SLC24A3: variants seen among roughly 807,000 people sequenced by gnomAD.
SLC24A3 encodes the protein solute carrier family 24 member 3.
Under a neutral mutation model 75.8 loss-of-function variants are expected in SLC24A3, and 28 were observed. That is an observed-to-expected ratio of 0.37 (90% CI 0.27 to 0.51). SLC24A3 has a LOEUF of 0.51. Among genes scored for constraint, SLC24A3 ranks in the 20% least tolerant of loss-of-function variants. The pLI, the probability that SLC24A3 is intolerant of heterozygous loss-of-function variation, is 0.94. For missense variants in SLC24A3, 663 were observed against 847.8 expected, an observed-to-expected ratio of 0.78 and a Z score of 2.71; for synonymous variants, 372 against 334.1, an observed-to-expected ratio of 1.11 and a Z score of -1.24.
intron 2 of SLC24A3, among the ~76,000 whole-genome samples, chr20:19,446,220 A>G (rs1230976667): frequency 1.3e-5 from 2 of 152,236 alleles, no homozygotes; most frequent in Non-Finnish European, 1.5e-5. Flanking sequence ...GCAATGTATA[A>G]TGAGTTCTGG....
At chr20:19,333,956 G>A (rs553953947) in intron 2 of SLC24A3, among the ~76,000 whole-genome samples, 1 of 151,860 alleles carries the variant, frequency 6.6e-6, no homozygotes, top group South Asian at 2.1e-4. Flanking sequence ...TGTGCATCCT[G>A]TGAGTATACT....
chr20:19,351,261 G>A (rs879733657), intron 2 of SLC24A3, among the ~76,000 whole-genome samples: 2 of 152,170 alleles, frequency 1.3e-5, no homozygotes, highest in South Asian at 2.1e-4. Flanking sequence ...ACACCCAAAC[G>A]TGGGGATCAT....
At chr20:19,464,157 C>T (rs1318623308) in intron 2 of SLC24A3, among the ~76,000 whole-genome samples, 2 of 152,352 alleles carry the variant, frequency 1.3e-5, no homozygotes, top group Middle Eastern at 3.4e-3. Context: ...CCAGCCTTCT[C>T]GCCAACACTG....
intron 1 of SLC24A3, among the ~76,000 whole-genome samples, chr20:19,231,240 G>A (rs1188162458): frequency 6.6e-6 from 1 of 152,192 alleles, no homozygotes; most frequent in Non-Finnish European, 1.5e-5. Context: ...CAGGAAGTTA[G>A]ACAAGGAGCT....
chr20:19,666,958 G>A (rs2032406369), intron 8 of SLC24A3, among the ~76,000 whole-genome samples: 1 of 152,234 alleles, frequency 6.6e-6, no homozygotes, highest in Non-Finnish European at 1.5e-5. Context: ...TTGATCTACA[G>A]AGGTAAGCAA....
chr20:19,302,647 A>G (rs1263731009), intron 2 of SLC24A3, among the ~76,000 whole-genome samples: 1 of 152,202 alleles, frequency 6.6e-6, no homozygotes, highest in Admixed American at 6.5e-5. Context: ...TTTGCCTCAT[A>G]TATAAGTATG....
chr20:19,657,746 T>G (rs930299159), intron 7 of SLC24A3, among the ~76,000 whole-genome samples: 13 of 152,062 alleles, frequency 8.5e-5, no homozygotes, highest in African/African-American at 3.1e-4. Flanking sequence ...TCTCCATATC[T>G]ATTCCATGCC....
Position 19,654,144 on chromosome 20 carries a change from A to T in SLC24A3, c.687+8A>T, listed in dbSNP as rs1328909514. 2 of 1,612,460 alleles carry T rather than the reference A, an allele frequency of 1.2e-6. No homozygotes were observed. Among genetic ancestry groups the T allele is most frequent in the East Asian group, 2.2e-5 (1 of 44,844 alleles). On this transcript the variant is annotated splice_region_variant and intron_variant, in intron 7 of 16. Coordinates refer to ENST00000328041, the MANE Select transcript of SLC24A3 (RefSeq NM_020689.4). ...GTGATCGCGCTCATCGTGGTGAGTC[A>T]CTCTGGCCATTTCAGCTCCCATCAG...
At chr20:19,450,993 CTG>C (rs978319766) in intron 2 of SLC24A3, among the ~76,000 whole-genome samples, 1 of 151,964 alleles carries the variant, frequency 6.6e-6, no homozygotes, top group African/African-American at 2.4e-5. Context: ...GAGCGAGACT[CTG>C]TTTCAAAAAA....
chr20:19,685,271 G>A lies in SLC24A3; in HGVS notation c.1234G>A (p.Glu412Lys), dbSNP rs2032662740. Residue 412 changes from glutamate to lysine, a missense_variant, in exon 12 of 17, where the codon GAG becomes AAG. This residue lies in a region of SLC24A3 where 510 missense variants were observed against 703.6 expected (regional missense o/e 0.72). Coordinates refer to ENST00000328041, the MANE Select transcript of SLC24A3 (RefSeq NM_020689.4). ...TGTGGCTGAGGCTGGCAACGAAACA[G>A]AGAATGAAAATGAGGACAATGAGAA... ...DVVAEAGNET[E>K]NENEDNENDE... 6.2e-7 allele frequency: 1 copy of A among 1,614,022 alleles called. No homozygotes were observed. The highest frequency in any genetic ancestry group is 1.3e-5 in the African/African-American group (1 of 74,896).
At chr20:19,452,376 A>ATGTCTGTGTGTG (rs1987500121) in intron 2 of SLC24A3, among the ~76,000 whole-genome samples, 1 of 113,000 alleles carries the variant, frequency 8.8e-6, no homozygotes, top group African/African-American at 3.1e-5. Context: ...CCTGTGGGGG[A>ATGTCTGTGTGTG]TGTGTGTGTG....
intron 1 of SLC24A3, among the ~76,000 whole-genome samples, chr20:19,215,773 T>C (rs181901169): frequency 4.7e-4 from 71 of 152,368 alleles, no homozygotes; most frequent in African/African-American, 1.7e-3. Context: ...TCTAGACATC[T>C]AACGAAACTC....
chr20:19,680,132 G>A (rs527326536), intron 9 of SLC24A3, among the ~76,000 whole-genome samples: 2 of 150,238 alleles, frequency 1.3e-5, no homozygotes, highest in African/African-American at 4.9e-5. Context: ...GTGTGTGTCT[G>A]TGTGTGTCTC....
Position 19,653,259 on chromosome 20 carries a change from C to T in SLC24A3, c.613-803C>T, listed in dbSNP as rs6075551. ...CTTCTTTGCACCTAGCAGCCCCCTC[C>T]TCTTGCAGGGAAAGGCTGCTTTAGC... On this transcript the variant is annotated intron_variant, in intron 6 of 16. Coordinates refer to ENST00000328041, the MANE Select transcript of SLC24A3 (RefSeq NM_020689.4). Among the ~76,000 whole-genome samples the T allele has an allele frequency of 1.2e-4, 19 of 152,362 alleles. No individual in the cohort carries two copies. In the East Asian group the frequency reaches 3.7e-3, roughly 29 times the overall value.
chr20:19,356,099 T>C (rs893703969), intron 2 of SLC24A3, among the ~76,000 whole-genome samples: 1 of 152,172 alleles, frequency 6.6e-6, no homozygotes, highest in African/African-American at 2.4e-5. Context: ...GAGTGACCTG[T>C]CACCACTCCT....
At chr20:19,460,198 T>C (rs180705554) in intron 2 of SLC24A3, among the ~76,000 whole-genome samples, 6 of 152,224 alleles carry the variant, frequency 3.9e-5, no homozygotes, top group Non-Finnish European at 8.8e-5. Context: ...GGCGACTTCT[T>C]AAATTTTGCG....
At chr20:19,443,415 T>C (rs1259716031) in intron 2 of SLC24A3, among the ~76,000 whole-genome samples, 2 of 152,168 alleles carry the variant, frequency 1.3e-5, no homozygotes, top group African/African-American at 4.8e-5. Flanking sequence ...TTATACTTAA[T>C]TTTTTGTTAT....
intron 12 of SLC24A3, among the ~76,000 whole-genome samples, chr20:19,687,034 C>A (rs1265921541): frequency 6.6e-6 from 1 of 152,192 alleles, no homozygotes. Flanking sequence ...TGCTGCATAA[C>A]AAAATGCCAC....
chr20:19,634,864 G>C (rs2122690373), intron 6 of SLC24A3, among the ~76,000 whole-genome samples: 1 of 152,212 alleles, frequency 6.6e-6, no homozygotes, highest in African/African-American at 2.4e-5. Context: ...AAATTTCACT[G>C]CTTATAAATG....
Sources: allele counts gnomAD v4.1 joint callset (sites outside exome capture counted in the v4.1 genomes callset), GRCh38; gene constraint gnomAD v4.1.1; regional missense constraint gnomAD v4.1.1; transcripts MANE v1.5; gene names NCBI Gene and HGNC (gene_info 2026-07-23, HGNC 2026-07-21).